CFAP299: variants seen among roughly 807,000 people sequenced by gnomAD.
The protein encoded by CFAP299 is cilia and flagella associated protein 299.
A neutral mutation model predicts 27.0 loss-of-function variants in CFAP299; 21 were observed. The ratio of observed to expected loss-of-function variants is 0.78; its 90% CI spans 0.55 to 1.12. CFAP299 has a LOEUF of 1.12. Among genes scored for constraint, CFAP299 ranks in the 50% most tolerant of loss-of-function variants. The pLI, the probability that CFAP299 is intolerant of heterozygous loss-of-function variation, is 0.00. For missense variants in CFAP299, 310 were observed against 276.6 expected, an observed-to-expected ratio of 1.12 and a Z score of -0.86; for synonymous variants, 104 against 98.1, an observed-to-expected ratio of 1.06 and a Z score of -0.36.
intron 3 of CFAP299, among the ~76,000 whole-genome samples, chr4:80,586,008 A>G (rs932177306): frequency 1.3e-5 from 2 of 152,270 alleles, no homozygotes; most frequent in South Asian, 4.1e-4. Context: ...TCCTGGCTTT[A>G]GAGGATTTAG....
chr4:80,588,254 G>C (rs1419356131), intron 3 of CFAP299, among the ~76,000 whole-genome samples: 1 of 150,976 alleles, frequency 6.6e-6, no homozygotes, highest in Non-Finnish European at 1.5e-5. Flanking sequence ...GAGGGTACAG[G>C]TGGGAACCAT....
At chr4:80,722,686 G>A (rs867915464) in intron 3 of CFAP299, among the ~76,000 whole-genome samples, 14 of 152,176 alleles carry the variant, frequency 9.2e-5, no homozygotes, top group Middle Eastern at 6.8e-3. Context: ...GGATCACGAG[G>A]TCAGGAGATC....
intron 3 of CFAP299, among the ~76,000 whole-genome samples, chr4:80,820,709 G>A (rs1560428997): frequency 6.6e-6 from 1 of 152,240 alleles, no homozygotes; most frequent in East Asian, 1.9e-4. Flanking sequence ...GCAGACAGGG[G>A]CTAAAGGGAC....
chr4:80,536,312 A>T (rs559016189), intron 2 of CFAP299, among the ~76,000 whole-genome samples: 1 of 152,182 alleles, frequency 6.6e-6, no homozygotes, highest in Admixed American at 6.5e-5. Context: ...AGGAACCCTT[A>T]TATGCTCTGA....
chr4:80,950,481 C>A (rs1002688819), intron 5 of CFAP299, among the ~76,000 whole-genome samples: 2 of 152,004 alleles, frequency 1.3e-5, no homozygotes, highest in African/African-American at 4.8e-5. Flanking sequence ...CAAAGATATT[C>A]AAAAACAAGT....
At chr4:80,958,427 A>G (rs1738175848) in intron 5 of CFAP299, among the ~76,000 whole-genome samples, 1 of 152,134 alleles carries the variant, frequency 6.6e-6, no homozygotes, top group Non-Finnish European at 1.5e-5. Context: ...AGATCACTAA[A>G]TGGCCATGGA....
At chr4:80,882,603 A>G (rs1361935889) in intron 4 of CFAP299, among the ~76,000 whole-genome samples, 2 of 151,786 alleles carry the variant, frequency 1.3e-5, no homozygotes, top group Non-Finnish European at 2.9e-5. Context: ...GCGCCGCTGC[A>G]CTCAGGCTTG....
intron 2 of CFAP299, among the ~76,000 whole-genome samples, chr4:80,581,453 G>GATATAT (rs70944794): frequency 0.028 from 2,837 of 102,440 alleles, 89 homozygotes; most frequent in African/African-American, 0.036. Context: ...TATTAAGTGA[G>GATATAT]ATATATATAT....
At chr4:80,671,417 T>A (rs1442368662) in intron 3 of CFAP299, among the ~76,000 whole-genome samples, 2 of 152,180 alleles carry the variant, frequency 1.3e-5, no homozygotes, top group African/African-American at 4.8e-5. Flanking sequence ...TAGTTTGAAG[T>A]CAGGTAGTGT....
intron 3 of CFAP299, among the ~76,000 whole-genome samples, chr4:80,755,212 C>T (rs914890402): frequency 2.0e-5 from 3 of 151,922 alleles, no homozygotes; most frequent in Non-Finnish European, 4.4e-5. Context: ...CAGTATTTGG[C>T]CTGCTGCTTG....
chr4:80,861,335 C>A (rs183263220), intron 3 of CFAP299, among the ~76,000 whole-genome samples: 4 of 152,228 alleles, frequency 2.6e-5, no homozygotes, highest in African/African-American at 4.8e-5. Context: ...TGACTAGGAA[C>A]GGGAACTCCC....
intron 5 of CFAP299, among the ~76,000 whole-genome samples, chr4:80,961,412 G>C (rs1738338552): frequency 6.6e-6 from 1 of 151,704 alleles, no homozygotes; most frequent in Non-Finnish European, 1.5e-5. Flanking sequence ...GTAAAAATAA[G>C]TTATTAAGTA....
intron 3 of CFAP299, among the ~76,000 whole-genome samples, chr4:80,709,141 C>T (rs1196618026): frequency 1.3e-5 from 2 of 152,020 alleles, no homozygotes; most frequent in Non-Finnish European, 2.9e-5. Context: ...ATAGTGAAAA[C>T]CCTTTTATGA....
At chr4:80,398,910 C>T (rs576600137) in intron 2 of CFAP299, among the ~76,000 whole-genome samples, 9 of 152,010 alleles carry the variant, frequency 5.9e-5, no homozygotes, top group African/African-American at 2.2e-4. Context: ...GGCAACCTAC[C>T]GAATGGGAGA....
At chr4:80,737,070 A>C (rs1723940555) in intron 3 of CFAP299, among the ~76,000 whole-genome samples, 1 of 151,394 alleles carries the variant, frequency 6.6e-6, no homozygotes. Flanking sequence ...AAAACAAAAA[A>C]CCAAACACCG....
chr4:80,906,274 G>A (rs1451313646), intron 4 of CFAP299, among the ~76,000 whole-genome samples: 1 of 152,224 alleles, frequency 6.6e-6, no homozygotes, highest in Non-Finnish European at 1.5e-5. Flanking sequence ...GCTGATGGAA[G>A]AGGTAGGCTC....
chr4:80,734,947 T>C (rs2110058819), intron 3 of CFAP299, among the ~76,000 whole-genome samples: 1 of 152,150 alleles, frequency 6.6e-6, no homozygotes, highest in East Asian at 1.9e-4. Context: ...TATTTGTGAT[T>C]CCATAGAAAG....
chr4:80,483,025 GATGGAA>G (rs373562773), intron 2 of CFAP299, among the ~76,000 whole-genome samples: 19 of 152,308 alleles, frequency 1.2e-4, no homozygotes, highest in African/African-American at 3.1e-4. Context: ...TAAGGTTGTA[GATGGAA>G]ATAAGGTTAC....
At chr4:80,339,725 A>G (rs1722346676) in intron 1 of CFAP299, among the ~76,000 whole-genome samples, 1 of 152,218 alleles carries the variant, frequency 6.6e-6, no homozygotes, top group Admixed American at 6.5e-5. Context: ...TCCCTAAATC[A>G]ATATAGAAAT....
Sources: gnomAD v4.1 joint callset for allele counts (sites outside exome capture counted in the v4.1 genomes callset) on GRCh38, gnomAD v4.1.1 for gene constraint, MANE v1.5 for transcripts, NCBI Gene and HGNC (gene_info 2026-07-23, HGNC 2026-07-21) for gene names.